The following SLC8A1 variants were observed in gnomAD, a reference collection of about 807,000 sequenced individuals.
SLC8A1 encodes sodium/calcium exchanger 1.
In SLC8A1, 18 loss-of-function variants were observed where a neutral mutation model predicts 68.3. The ratio of observed to expected loss-of-function variants is 0.26; its 90% CI spans 0.18 to 0.39. The LOEUF (loss-of-function observed/expected upper bound fraction) is 0.39, where lower values mean the gene tolerates loss of function less well. SLC8A1 is among the 10% of genes least tolerant of loss of function. The pLI is 1.00. For synonymous variants in SLC8A1, 475 were observed against 415.5 expected (o/e 1.14, Z -1.74); for missense variants, 985 against 1,156.7 (o/e 0.85, Z 2.15).
chr2:40,212,886 T>A (rs2056856983), intron 2 of SLC8A1, among the ~76,000 whole-genome samples: 1 of 151,902 alleles, frequency 6.6e-6, no homozygotes, highest in African/African-American at 2.4e-5. Flanking sequence ...ATTCATAAAT[T>A]TAGGGCAACA....
intron 1 of SLC8A1, among the ~76,000 whole-genome samples, chr2:40,441,176 A>T (rs1302342965): frequency 1.3e-5 from 2 of 152,138 alleles, no homozygotes; most frequent in Non-Finnish European, 2.9e-5. Flanking sequence ...TTCCATTCAC[A>T]ATTGCTATAA....
intron 2 of SLC8A1, among the ~76,000 whole-genome samples, chr2:40,246,473 T>A (rs1390091245): frequency 6.6e-6 from 1 of 152,204 alleles, no homozygotes; most frequent in Non-Finnish European, 1.5e-5. Context: ...GTTCATTTGT[T>A]CTTCTATGAG....
At chr2:40,212,769 A>C (rs1344991012) in intron 2 of SLC8A1, among the ~76,000 whole-genome samples, 1 of 152,194 alleles carries the variant, frequency 6.6e-6, no homozygotes, top group African/African-American at 2.4e-5. Flanking sequence ...CAACAATTTC[A>C]AATTCTTGGG....
intron 7 of SLC8A1, among the ~76,000 whole-genome samples, chr2:40,116,548 T>A (rs2035453512): frequency 6.6e-6 from 1 of 150,754 alleles, no homozygotes; most frequent in South Asian, 2.1e-4. Flanking sequence ...CACCTATGAG[T>A]GAGAATATGC....
At chr2:40,309,148 A>AG (rs1465638294) in intron 2 of SLC8A1, among the ~76,000 whole-genome samples, 2 of 152,148 alleles carry the variant, frequency 1.3e-5, no homozygotes, top group Non-Finnish European at 2.9e-5. Flanking sequence ...TTAGCTTTTG[A>AG]GGGGACACAT....
exon 8 of SLC8A1, chr2:40,103,054 C>T (rs974654677): frequency 2.6e-5 from 4 of 152,100 alleles, no homozygotes; most frequent in Non-Finnish European, 5.9e-5. Flanking sequence ...GCTTACCTTT[C>T]CCCCTGACAA....
chr2:40,184,701 G>T (rs2050316260), intron 2 of SLC8A1, among the ~76,000 whole-genome samples: 2 of 152,064 alleles, frequency 1.3e-5, no homozygotes, highest in Admixed American at 6.6e-5. Flanking sequence ...GAAGGGCCAT[G>T]TCGGGAACTG....
intron 6 of SLC8A1, among the ~76,000 whole-genome samples, chr2:40,160,020 C>T (rs2045382907): frequency 6.6e-6 from 1 of 152,006 alleles, no homozygotes; most frequent in South Asian, 2.1e-4. Context: ...TAAAGAGAGC[C>T]AGTGTAGATG....
At chr2:40,436,105 T>C (rs1699359241) in intron 1 of SLC8A1, among the ~76,000 whole-genome samples, 1 of 152,102 alleles carries the variant, frequency 6.6e-6, no homozygotes. Flanking sequence ...TCTATTTTAT[T>C]CAATGGTTCT....
chr2:40,177,886 A>C (rs747015515), intron 2 of SLC8A1: 23 of 1,393,552 alleles, frequency 1.7e-5, no homozygotes, highest in African/African-American at 4.3e-5. Flanking sequence ...GGCAAAACAA[A>C]TGGTTGGAGT....
At chr2:40,266,188 T>C (rs1161467080) in intron 2 of SLC8A1, among the ~76,000 whole-genome samples, 1 of 152,188 alleles carries the variant, frequency 6.6e-6, no homozygotes, top group Non-Finnish European at 1.5e-5. Flanking sequence ...AAGGATGCCT[T>C]TTCTGGGCCA....
intron 1 of SLC8A1, among the ~76,000 whole-genome samples, chr2:40,470,229 C>G (rs997305999): frequency 7.9e-5 from 12 of 151,998 alleles, no homozygotes; most frequent in Non-Finnish European, 5.9e-5. Flanking sequence ...TTTGGGAAAA[C>G]TTAAAAATTT....
chr2:40,247,551 A>T (rs938264790), intron 2 of SLC8A1, among the ~76,000 whole-genome samples: 7 of 152,166 alleles, frequency 4.6e-5, no homozygotes, highest in African/African-American at 1.2e-4. Context: ...TGTTACAAAA[A>T]TGAGGAAAAA....
intron 2 of SLC8A1, among the ~76,000 whole-genome samples, chr2:40,404,413 T>A (rs1559542972): frequency 6.6e-6 from 1 of 152,258 alleles, no homozygotes; most frequent in Non-Finnish European, 1.5e-5. Context: ...TCAGTAATTA[T>A]GACAATACAT....
upstream of SLC8A1, among the ~76,000 whole-genome samples, chr2:40,454,473 C>A (rs554948531): frequency 1.4e-5 from 2 of 140,894 alleles, no homozygotes; most frequent in South Asian, 2.2e-4. Context: ...CAAAGTCTGT[C>A]TTAAGACTTT....
intron 2 of SLC8A1, among the ~76,000 whole-genome samples, chr2:40,273,267 ATT>A (rs2066279840): frequency 1.4e-5 from 2 of 145,868 alleles, no homozygotes; most frequent in Non-Finnish European, 3.0e-5. Context: ...TTTTTTTTGT[ATT>A]TTTAGTAGAG....
intron 2 of SLC8A1, among the ~76,000 whole-genome samples, chr2:40,252,259 C>A (rs987860278): frequency 6.6e-6 from 1 of 151,816 alleles, no homozygotes; most frequent in Non-Finnish European, 1.5e-5. Flanking sequence ...CCAGTGAAGT[C>A]TGACAAAATA....
intron 2 of SLC8A1, among the ~76,000 whole-genome samples, chr2:40,331,921 T>C (rs1393981542): frequency 2.0e-5 from 3 of 151,996 alleles, no homozygotes; most frequent in African/African-American, 7.2e-5. Flanking sequence ...TATTTTCGTC[T>C]ATGATAATTT....
At chr2:40,429,688 A>G in exon 2 of SLC8A1, 1 of 1,613,850 alleles carries the variant, frequency 6.2e-7, no homozygotes, top group South Asian at 1.1e-5. Context: ...CAAATGCTTA[A>G]TCTTCCTTGT....
Sources: gnomAD v4.1 joint callset for allele counts (sites outside exome capture counted in the v4.1 genomes callset) on GRCh38, gnomAD v4.1.1 for gene constraint, MANE v1.5 for transcripts, NCBI Gene and HGNC (gene_info 2026-07-23, HGNC 2026-07-21) for gene names.